UNC5A: variants seen among roughly 807,000 people sequenced by gnomAD.
UNC5A encodes netrin receptor UNC5A.
In UNC5A, 20 loss-of-function variants were observed where a neutral mutation model predicts 87.4. The observed-to-expected ratio is 0.23, with a 90% CI of 0.16 to 0.33. The LOEUF is 0.33. Among genes scored for constraint, UNC5A ranks in the 10% least tolerant of loss-of-function variants. UNC5A has a pLI of 1.00. For synonymous variants in UNC5A, 438 were observed against 482.3 expected, an observed-to-expected ratio of 0.91 and a Z score of 1.20; for missense variants, 844 against 1,133.4, an observed-to-expected ratio of 0.74 and a Z score of 3.67.
At chr5:176,831,227 G>C (rs1465539518) in intron 1 of UNC5A, among the ~76,000 whole-genome samples, 1 of 152,204 alleles carries the variant, frequency 6.6e-6, no homozygotes, top group Non-Finnish European at 1.5e-5. Context: ...AAGACAGGGA[G>C]GTTGTAAAGT....
intron 6 of UNC5A, among the ~76,000 whole-genome samples, chr5:176,872,442 C>T: frequency 4.9e-5 from 1 of 20,460 alleles, no homozygotes; most frequent in Non-Finnish European, 9.2e-5. Context: ...CATCTGCCCA[C>T]ACTCGCCCAA....
chr5:176,839,101 C>T (rs1408728054), intron 1 of UNC5A, among the ~76,000 whole-genome samples: 1 of 152,236 alleles, frequency 6.6e-6, no homozygotes, highest in African/African-American at 2.4e-5. Context: ...CCTCTCCTAT[C>T]ATCCCAGCTA....
chr5:176,868,022 T>A, intron 2 of UNC5A, 108 bp from the exon 3 acceptor site: 1 of 905,142 alleles, frequency 1.1e-6, no homozygotes, highest in Non-Finnish European at 1.6e-6. Flanking sequence ...AAAAACAAAG[T>A]CCACTCCCTT....
At chr5:176,813,137 C>A (rs969315609) in intron 1 of UNC5A, among the ~76,000 whole-genome samples, 1 of 152,190 alleles carries the variant, frequency 6.6e-6, no homozygotes, top group Non-Finnish European at 1.5e-5. Flanking sequence ...TCTGTGCCCG[C>A]GCACGCAAGC....
At position 176,848,834 on chromosome 5, in the gene UNC5A, C is replaced by T. The variant is rs867506221; in HGVS notation, c.71-13790C>T. ...GGCCCTGCGCGTCTCGGGATTGCAG[C>T]TTCTCCCCTCTCGGCCTCTGGAAGG... On this transcript the variant is annotated intron_variant, in intron 1 of 14. Coordinates refer to ENST00000329542, the MANE Select transcript of UNC5A (RefSeq NM_133369.3). This position sits in a 1 kb window ranked among gnomAD's most constrained non-coding sequence, Gnocchi z 5.8. Among the ~76,000 whole-genome samples the T allele has an allele frequency of 3.9e-5, 6 of 152,336 alleles. No individual in the cohort carries two copies. In the South Asian group the frequency reaches 1.0e-3, roughly 26 times the overall value.
At chr5:176,876,521 C>T (rs1758265318) in intron 8 of UNC5A, among the ~76,000 whole-genome samples, 1 of 152,206 alleles carries the variant, frequency 6.6e-6, no homozygotes, top group Non-Finnish European at 1.5e-5. Context: ...TCCTGTCCCA[C>T]CATCTCCCTG....
chr5:176,864,055 C>T (rs1465734579), intron 2 of UNC5A, among the ~76,000 whole-genome samples: 1 of 151,680 alleles, frequency 6.6e-6, no homozygotes, highest in Non-Finnish European at 1.5e-5. Flanking sequence ...AGGCCATTGC[C>T]GTGAGGCTCA....
chr5:176,840,721 C>T (rs569819469), intron 1 of UNC5A, among the ~76,000 whole-genome samples: 1 of 152,352 alleles, frequency 6.6e-6, no homozygotes, highest in East Asian at 1.9e-4. Context: ...TCTTCTAACT[C>T]CACAACCAAG....
At chr5:176,834,657 G>T (rs1049815889) in intron 1 of UNC5A, among the ~76,000 whole-genome samples, 2 of 93,000 alleles carry the variant, frequency 2.2e-5, no homozygotes, top group African/African-American at 4.0e-5. Flanking sequence ...AGGTTCCCAC[G>T]TCCCGTCTTC....
At chr5:176,817,988 C>G (rs1195545416) in intron 1 of UNC5A, among the ~76,000 whole-genome samples, 2 of 152,032 alleles carry the variant, frequency 1.3e-5, no homozygotes, top group Non-Finnish European at 2.9e-5. Flanking sequence ...TGTTCGGGGC[C>G]TGTTAACAAG....
intron 1 of UNC5A, among the ~76,000 whole-genome samples, chr5:176,813,523 C>T (rs934677633): frequency 1.3e-5 from 2 of 152,196 alleles, no homozygotes; most frequent in Non-Finnish European, 2.9e-5. Flanking sequence ...GTGGCCTGGG[C>T]TTTGGGGCCC....
At chr5:176,840,642 C>G (rs1275547968) in intron 1 of UNC5A, among the ~76,000 whole-genome samples, 1 of 152,174 alleles carries the variant, frequency 6.6e-6, no homozygotes, top group African/African-American at 2.4e-5. Context: ...GATGCACTTC[C>G]CAGAGGGAGC....
chr5:176,829,367 GGATA>G (rs1318716852), intron 1 of UNC5A, among the ~76,000 whole-genome samples: 1 of 141,504 alleles, frequency 7.1e-6, no homozygotes, highest in African/African-American at 2.8e-5. Flanking sequence ...ATGGATGGAT[GGATA>G]AAGTGGGTGG....
At chr5:176,835,802 G>A (rs1233721420) in intron 1 of UNC5A, among the ~76,000 whole-genome samples, 2 of 151,100 alleles carry the variant, frequency 1.3e-5, no homozygotes, top group Non-Finnish European at 3.0e-5. Context: ...CTGGGGTGTA[G>A]GTCTCCTGTC....
chr5:176,839,677 G>C (rs1404337083), intron 1 of UNC5A, among the ~76,000 whole-genome samples: 4 of 152,226 alleles, frequency 2.6e-5, no homozygotes, highest in Non-Finnish European at 4.4e-5. Flanking sequence ...TGTGCAGGGA[G>C]TGGGTGATCT....
At position 176,864,367 on chromosome 5, in the gene UNC5A, G is replaced by T. The variant is rs562950204; in HGVS notation, c.292+1522G>T. 2.0e-5 allele frequency among the ~76,000 whole-genome samples: 3 copies of T among 152,218 alleles called. No individual in the cohort carries two copies. The South Asian group carries it at 6.2e-4, about 32-fold the overall frequency. ...CCTGGAGGCTGAGACACCAGAGCGGGCTGCGGTCGCACTTGCACTGTAGGA... is the reference window on the plus strand; with the variant it reads ...CCTGGAGGCTGAGACACCAGAGCGGTCTGCGGTCGCACTTGCACTGTAGGA... On this transcript the variant is annotated intron_variant, in intron 2 of 14. Coordinates refer to ENST00000329542, the MANE Select transcript of UNC5A (RefSeq NM_133369.3).
At chr5:176,830,380 T>G (rs1352120890) in intron 1 of UNC5A, among the ~76,000 whole-genome samples, 6 of 147,296 alleles carry the variant, frequency 4.1e-5, no homozygotes, top group Non-Finnish European at 7.6e-5. Context: ...GTGTGTGTGT[T>G]GTGCGTGTGT....
chr5:176,861,804 G>A (rs1255972257), intron 1 of UNC5A, among the ~76,000 whole-genome samples: 1 of 112,062 alleles, frequency 8.9e-6, no homozygotes, highest in Non-Finnish European at 1.8e-5. Flanking sequence ...CATTGGTGGG[G>A]GGATCACTGC....
chr5:176,838,030 A>G lies in UNC5A; in HGVS notation c.71-24594A>G, dbSNP rs371603777. ...GCAAGAGTACACTACTGAACGGAATAGTCAAAAACTTGCCCTTTGGAGCCT... is the reference window on the plus strand; with the variant it reads ...GCAAGAGTACACTACTGAACGGAATGGTCAAAAACTTGCCCTTTGGAGCCT... On this transcript the variant is annotated intron_variant, in intron 1 of 14. Transcript: ENST00000329542. This position sits in a 1 kb window ranked among gnomAD's most constrained non-coding sequence, Gnocchi z 4.2. 1.3e-5 allele frequency among the ~76,000 whole-genome samples: 2 copies of G among 152,222 alleles called. No individual in the cohort carries two copies. The highest frequency in any genetic ancestry group is 4.8e-5 in the African/African-American group (2 of 41,456).
Sources: allele counts gnomAD v4.1 joint callset (sites outside exome capture counted in the v4.1 genomes callset), GRCh38; gene constraint gnomAD v4.1.1; non-coding constraint Gnocchi (gnomAD v3.1); transcripts MANE v1.5; gene names NCBI Gene and HGNC (gene_info 2026-07-23, HGNC 2026-07-21).